TNFSF8: variants seen among roughly 807,000 people sequenced by gnomAD.
The protein encoded by TNFSF8 is TNF superfamily member 8, also known as tumor necrosis factor ligand superfamily member 8.
TNFSF8 carries 4 observed loss-of-function variants against 22.0 expected under a neutral mutation model. The ratio of observed to expected loss-of-function variants is 0.18; its 90% CI spans 0.09 to 0.42. The LOEUF (loss-of-function observed/expected upper bound fraction) is 0.42, where lower values mean the gene tolerates loss of function less well. Among genes scored for constraint, TNFSF8 ranks in the 10% least tolerant of loss-of-function variants. The pLI is 1.00. For missense variants in TNFSF8, 233 were observed against 281.8 expected (o/e 0.83, Z 1.24); for synonymous variants, 106 against 112.5 (o/e 0.94, Z 0.37).
intron 2 of TNFSF8, among the ~76,000 whole-genome samples, chr9:114,917,840 T>C (rs1204040223): frequency 6.6e-6 from 1 of 152,216 alleles, no homozygotes; most frequent in Non-Finnish European, 1.5e-5. Flanking sequence ...CTTGCAGTCC[T>C]GCCTATGCCA....
At position 114,901,945 on chromosome 9, in the gene TNFSF8, T is replaced by G; in HGVS notation, c.*1986A>C. 1 of 984,558 alleles carries G rather than the reference T, an allele frequency of 1.0e-6. No homozygotes were observed. Among genetic ancestry groups the G allele is most frequent in the Non-Finnish European group, 1.2e-6 (1 of 829,134 alleles). 61.0% of individuals were successfully genotyped at this position (984,558 alleles called of 1,614,324 possible). On this transcript the variant is annotated 3_prime_UTR_variant, in exon 4 of 4. Coordinates refer to ENST00000223795, the MANE Select transcript of TNFSF8 (RefSeq NM_001244.4). ...TCTTTCTTTTTTTCTTTTAAATCTT[T>G]TCTAGCTTTCCTTCTGACAAACTTT...
At chr9:114,924,812 G>C (rs1828035896) in intron 1 of TNFSF8, among the ~76,000 whole-genome samples, 1 of 152,156 alleles carries the variant, frequency 6.6e-6, no homozygotes, top group Non-Finnish European at 1.5e-5. Context: ...CTTGGTGTTT[G>C]GGCTTCATCT....
downstream of TNFSF8, among the ~76,000 whole-genome samples, chr9:114,899,341 T>A (rs1422821087): frequency 9.7e-6 from 1 of 103,332 alleles, no homozygotes; most frequent in East Asian, 2.4e-4. Flanking sequence ...CACAGTAAGT[T>A]ATTATTTTTT....
chr9:114,901,546 A>C lies in TNFSF8; in HGVS notation c.*2385T>G. 1.0e-6 allele frequency: 1 copy of C among 985,296 alleles called. No homozygotes were observed. The highest frequency in any genetic ancestry group is 1.2e-6 in the Non-Finnish European group (1 of 829,774). 61.0% of individuals were successfully genotyped at this position (985,296 alleles called of 1,614,324 possible). On this transcript the variant is annotated 3_prime_UTR_variant, in exon 4 of 4. Transcript: ENST00000223795. ...CAAAAAAATTGCTTAGTTAACACAC[A>C]GTTGGGTTGCATATACCTTTTCAAG...
At chr9:114,922,822 C>T (rs1828005588) in intron 1 of TNFSF8, among the ~76,000 whole-genome samples, 1 of 152,110 alleles carries the variant, frequency 6.6e-6, no homozygotes, top group South Asian at 2.1e-4. Context: ...AAAAGACTGA[C>T]CAGCATCGGG....
downstream of TNFSF8, chr9:114,901,103 T>C (rs940205498): frequency 6.1e-6 from 6 of 985,088 alleles, no homozygotes; most frequent in African/African-American, 1.0e-4. Flanking sequence ...GGAGCTCAAG[T>C]TGAGTTTTTA....
rs1378782594 is a variant in TNFSF8 at position 114,901,472 on chromosome 9, T to G, written c.*2459A>C. 17 of 985,282 alleles carry G rather than the reference T, an allele frequency of 1.7e-5. No individual in the cohort carries two copies. The highest frequency in any genetic ancestry group is 2.0e-5 in the Non-Finnish European group (17 of 829,930). 61.0% of individuals were successfully genotyped at this position (985,282 alleles called of 1,614,324 possible). A position where few individuals can be genotyped will look rare whatever the true frequency, so the allele number is the denominator to read the frequency against. On this transcript the variant is annotated 3_prime_UTR_variant, in exon 4 of 4. Transcript: ENST00000223795. ...TCAGGTACCTCTGCTCAGAGAACAG[T>G]TGGTGAAAAATGAAAATGGAATCTT...
rs143449868 is a variant in TNFSF8 at position 114,919,299 on chromosome 9, A to G, written c.196-1161T>C. Among the ~76,000 whole-genome samples the G allele has an allele frequency of 1.4e-4, 22 of 152,190 alleles. No homozygotes were observed. The East Asian group carries it at 4.2e-3, about 29-fold the overall frequency. ...TACATAGTATATTATTTATTCTGTA[A>G]TAAATATATACATAAATATTTACAC... On this transcript the variant is annotated intron_variant, in intron 1 of 3. Transcript: ENST00000223795.
At chr9:114,895,390 A>G (rs1827646392) in intron 4 of TNFSF8, among the ~76,000 whole-genome samples, 1 of 152,210 alleles carries the variant, frequency 6.6e-6, no homozygotes, top group South Asian at 2.1e-4. Context: ...GCAAACAGTC[A>G]GTTGGTTATC....
intron 2 of TNFSF8, among the ~76,000 whole-genome samples, chr9:114,906,889 G>T (rs1339577920): frequency 2.0e-5 from 3 of 152,082 alleles, no homozygotes; most frequent in Non-Finnish European, 4.4e-5. Flanking sequence ...TTCCCCATGT[G>T]TAAAACTGGA....
At chr9:114,918,004 A>G (rs781288354) in intron 2 of TNFSF8, 92 bp downstream of exon 2, 7 of 1,313,510 alleles carry the variant, frequency 5.3e-6, no homozygotes, top group Admixed American at 2.2e-5. Flanking sequence ...GTCATGTCAT[A>G]GAGTTGTTTC....
chr9:114,901,710 G>T lies in TNFSF8; in HGVS notation c.*2221C>A. The T allele has an allele frequency of 5.2e-5, 51 of 985,380 alleles. No individual in the cohort carries two copies. The highest frequency in any genetic ancestry group is 6.1e-5 in the Non-Finnish European group (51 of 829,904). The allele number at this position is 985,380 out of a possible 1,614,324, so 61.0% of individuals were successfully genotyped here. On this transcript the variant is annotated 3_prime_UTR_variant, in exon 4 of 4. Transcript: ENST00000223795. ...TTTACCACAGACCATTTGGCTTGCT[G>T]AATTCAACACCTCTTCCAATGCCTG...
Position 114,930,402 on chromosome 9 carries a change from G to T in TNFSF8, c.-99C>A. 9.8e-7 allele frequency: 1 copy of T among 1,025,598 alleles called. No homozygotes were observed. The highest frequency in any genetic ancestry group is 1.3e-6 in the Non-Finnish European group (1 of 764,832). 63.5% of individuals were successfully genotyped at this position (1,025,598 alleles called of 1,614,324 possible). A position where few individuals can be genotyped will look rare whatever the true frequency, so the allele number is the denominator to read the frequency against. On this transcript the variant is annotated 5_prime_UTR_variant, in exon 1 of 4. Transcript: ENST00000223795. Reference sequence around the variant, plus strand: ...AAGAAGGATTCTCCCCCTGAATCCTGAATCATGTGACTTGGAAAAAAACCT... The same window carrying T: ...AAGAAGGATTCTCCCCCTGAATCCTTAATCATGTGACTTGGAAAAAAACCT...
chr9:114,904,352 A>G (rs1336109435), intron 3 of TNFSF8, 27 bp from the exon 4 acceptor site: 1 of 1,562,990 alleles, frequency 6.4e-7, no homozygotes, highest in Non-Finnish European at 8.6e-7. Flanking sequence ...AGAAAACAGA[A>G]TTATTGAGAA....
At chr9:114,928,061 G>C (rs1479242388) in intron 1 of TNFSF8, among the ~76,000 whole-genome samples, 1 of 151,884 alleles carries the variant, frequency 6.6e-6, no homozygotes, top group African/African-American at 2.4e-5. Context: ...TATATACCAC[G>C]GCTACTATTA....
chr9:114,915,175 A>G (rs1235873464), intron 2 of TNFSF8, among the ~76,000 whole-genome samples: 12 of 152,154 alleles, frequency 7.9e-5, no homozygotes, highest in Non-Finnish European at 1.8e-4. Flanking sequence ...AAAAGGGACA[A>G]TTTACTGCTT....
At position 114,902,043 on chromosome 9, in the gene TNFSF8, G is replaced by A. The variant is rs1052446952; in HGVS notation, c.*1888C>T. ...TTGCTCCATGTTTTGGTATAGCAGGGAAGCTTCCATCTTTTTTTACTGAAG... is the reference window on the plus strand; with the variant it reads ...TTGCTCCATGTTTTGGTATAGCAGGAAAGCTTCCATCTTTTTTTACTGAAG... On this transcript the variant is annotated 3_prime_UTR_variant, in exon 4 of 4. Transcript: ENST00000223795. 4.1e-6 allele frequency: 4 copies of A among 985,212 alleles called. No individual in the cohort carries two copies. The highest frequency in any genetic ancestry group is 6.2e-5 in the Admixed American group (1 of 16,246). 61.0% of individuals were successfully genotyped at this position (985,212 alleles called of 1,614,324 possible).
chr9:114,921,299 T>C (rs1466738331), intron 1 of TNFSF8, among the ~76,000 whole-genome samples: 1 of 152,146 alleles, frequency 6.6e-6, no homozygotes, highest in Non-Finnish European at 1.5e-5. Context: ...TAGCTACCCA[T>C]GGTAGTCAAG....
chr9:114,899,857 G>A (rs1000375231), downstream of TNFSF8, among the ~76,000 whole-genome samples: 2 of 152,126 alleles, frequency 1.3e-5, no homozygotes, highest in Admixed American at 6.6e-5. Context: ...CTAAACCCTC[G>A]CTAGCCATGG....
Sources: allele counts gnomAD v4.1 joint callset (sites outside exome capture counted in the v4.1 genomes callset), GRCh38; gene constraint gnomAD v4.1.1; transcripts MANE v1.5; gene names NCBI Gene and HGNC (gene_info 2026-07-23, HGNC 2026-07-21).